Variants in WFDC3 observed in about 807,000 individuals in gnomAD.
WFDC3 encodes WAP four-disulfide core domain 3, also known as WAP four-disulfide core domain protein 3.
Under a neutral mutation model 25.8 loss-of-function variants are expected in WFDC3, and 15 were observed. The ratio of observed to expected loss-of-function variants is 0.58; its 90% CI spans 0.39 to 0.89. WFDC3 has a LOEUF of 0.89. WFDC3 is among the 40% of genes least tolerant of loss of function. The pLI is 0.00. For missense variants in WFDC3, 264 were observed against 289.8 expected (o/e 0.91, Z 0.65); for synonymous variants, 103 against 107.1 (o/e 0.96, Z 0.24).
At chr20:45,784,759 C>T (rs1601015588) in intron 4 of WFDC3, among the ~76,000 whole-genome samples, 1 of 152,076 alleles carries the variant, frequency 6.6e-6, no homozygotes, top group South Asian at 2.1e-4. Flanking sequence ...AGAAATTGTA[C>T]TTCTGACCCA....
intron 5 of WFDC3, among the ~76,000 whole-genome samples, chr20:45,776,612 AGAAAAAAAAG>A (rs1205921048): frequency 0.026 from 1,407 of 53,654 alleles, 78 homozygotes; most frequent in African/African-American, 0.084. Context: ...AAAAAAAAAA[AGAAAAAAAAG>A]AAAAAAAAAA....
In WFDC3 at chr20:45,774,450, A is replaced by C. The variant is rs187177850; in HGVS notation, c.680-6T>G. 6.2e-7 allele frequency: 1 copy of C among 1,614,090 alleles called. No homozygotes were observed. The highest frequency in any genetic ancestry group is 1.7e-5 in the Admixed American group (1 of 60,020). ...CAGCTAGGGCACCGGGATCTCTGCA[A>C]GTAGAAGAAACATCAAGTCACAGCT... On this transcript the variant is annotated splice_region_variant and splice_polypyrimidine_tract_variant and intron_variant, in intron 6 of 6. Coordinates refer to ENST00000243938, the MANE Select transcript of WFDC3 (RefSeq NM_080614.2).
intron 4 of WFDC3, among the ~76,000 whole-genome samples, chr20:45,786,761 G>T (rs1463178806): frequency 2.0e-5 from 3 of 152,050 alleles, no homozygotes; most frequent in Non-Finnish European, 4.4e-5. Flanking sequence ...GTTTCCCACA[G>T]GAGACAGCCC....
At chr20:45,779,667 G>A (rs540676756) in intron 4 of WFDC3, among the ~76,000 whole-genome samples, 37 of 152,208 alleles carry the variant, frequency 2.4e-4, no homozygotes, top group African/African-American at 8.7e-4. Flanking sequence ...AAATCTCCCT[G>A]GTGGAAAAAC....
chr20:45,776,970 C>A (rs545798244), intron 5 of WFDC3, 105 bp downstream of exon 5: 2 of 1,583,756 alleles, frequency 1.3e-6, no homozygotes, highest in African/African-American at 2.7e-5. Flanking sequence ...GTTGGGGGAC[C>A]AGAGGGACAG....
intron 2 of WFDC3, among the ~76,000 whole-genome samples, chr20:45,789,400 G>T (rs2145691654): frequency 6.6e-6 from 1 of 151,632 alleles, no homozygotes; most frequent in East Asian, 1.9e-4. Context: ...CAGCTACTCG[G>T]GAGGCTGAGG....
chr20:45,780,200 C>T (rs1032987241), intron 4 of WFDC3, among the ~76,000 whole-genome samples: 2 of 151,734 alleles, frequency 1.3e-5, no homozygotes, highest in Non-Finnish European at 2.9e-5. Flanking sequence ...CCTCAGCCTC[C>T]TGAGTAGCTG....
At chr20:45,785,670 A>T (rs1980637565) in intron 4 of WFDC3, among the ~76,000 whole-genome samples, 1 of 152,168 alleles carries the variant, frequency 6.6e-6, no homozygotes, top group South Asian at 2.1e-4. Flanking sequence ...CAAATAAGCA[A>T]AAGTAGCCAT....
At chr20:45,788,260 C>T (rs1004676309) in intron 3 of WFDC3, 5 of 235,644 alleles carry the variant, frequency 2.1e-5, no homozygotes, top group African/African-American at 4.6e-5. Flanking sequence ...GCCGAGATCA[C>T]GCCACTGCAT....
intron 4 of WFDC3, among the ~76,000 whole-genome samples, chr20:45,781,732 C>G (rs935606751): frequency 6.6e-6 from 1 of 152,158 alleles, no homozygotes; most frequent in Non-Finnish European, 1.5e-5. Flanking sequence ...TAGCACGTAC[C>G]AAGATTCCAG....
chr20:45,788,025 C>T (rs754732356), intron 3 of WFDC3, 43 bp from the exon 4 acceptor site: 7 of 1,593,220 alleles, frequency 4.4e-6, no homozygotes, highest in South Asian at 3.4e-5. Flanking sequence ...GAAAATAGGC[C>T]GAGCGCCATG....
chr20:45,777,670 C>T (rs985132734), intron 4 of WFDC3, among the ~76,000 whole-genome samples: 1 of 152,168 alleles, frequency 6.6e-6, no homozygotes, highest in African/African-American at 2.4e-5. Context: ...AGGCACAAGC[C>T]ACCAGGCCTG....
chr20:45,775,633 C>G (rs769549041), intron 5 of WFDC3, 31 bp from the exon 6 acceptor site: 2 of 1,612,230 alleles, frequency 1.2e-6, no homozygotes, highest in Non-Finnish European at 1.7e-6. Flanking sequence ...GGAAAAGGGA[C>G]AGGGCATCAG....
At chr20:45,778,673 C>T (rs534499801) in intron 4 of WFDC3, 30 of 151,898 alleles carry the variant, frequency 2.0e-4, no homozygotes, top group African/African-American at 6.5e-4. Context: ...CTCAGCATAA[C>T]GAAATGGTCA....
In WFDC3 at chr20:45,789,941, A is replaced by G; in HGVS notation, c.35T>C (p.Leu12Pro). ...MLSCLFLLKA[L>P]LALGSLESWI... ...GGATTCCAGAGACCCAAGAGCAAGA[A>G]GTGCCTTCAGAAGAAAGAGGCAGCT... Residue 12 changes from leucine to proline, a missense_variant, in exon 2 of 7, where the codon CTT (leucine) becomes CCT (proline). Physicochemically the swap from Leu to Pro is moderately conservative, Grantham distance 98 (BLOSUM62 -3). Transcript: ENST00000243938. 1 of 1,614,182 alleles carries G rather than the reference A, an allele frequency of 6.2e-7. No individual in the cohort carries two copies. The highest frequency in any genetic ancestry group is 1.7e-5 in the Admixed American group (1 of 60,014).
In WFDC3 at chr20:45,776,660, A is replaced by ATGTGTGTGTGTGTGTG. The variant is rs1555812785; in HGVS notation, c.493+414_493+415insCACACACACACACACA. On this transcript the variant is annotated intron_variant, in intron 5 of 6. Transcript: ENST00000243938. ...AATATATATATATATATATATATAT[A>ATGTGTGTGTGTGTGTG]TGTGTGTGTGTGTTTCCAACTAAGA... Among the ~76,000 whole-genome samples the ATGTGTGTGTGTGTGTG allele has an allele frequency of 4.3e-4, 40 of 93,288 alleles. 1 individual carries two copies. The highest frequency in any genetic ancestry group is 1.0e-3 in the African/African-American group (23 of 22,866). 61.2% of individuals were successfully genotyped at this position (93,288 alleles called of 152,430 possible).
At chr20:45,786,069 G>A (rs1980654998) in intron 4 of WFDC3, among the ~76,000 whole-genome samples, 1 of 152,164 alleles carries the variant, frequency 6.6e-6, no homozygotes, top group Non-Finnish European at 1.5e-5. Context: ...CAGCTTAAAT[G>A]TCACTCCACA....
intron 5 of WFDC3, 99 bp downstream of exon 5, chr20:45,776,976 G>C (rs150533656): frequency 1.3e-6 from 2 of 1,590,346 alleles, no homozygotes; most frequent in South Asian, 2.2e-5. Flanking sequence ...GGACCAGAGG[G>C]ACAGGAAGGA....
rs1231472177 is a variant in WFDC3 at position 45,777,275 on chromosome 20, C to T, written c.359-66G>A. 9.5e-6 allele frequency: 13 copies of T among 1,370,198 alleles called. No individual in the cohort carries two copies. In the East Asian group the frequency reaches 2.5e-4, roughly 27 times the overall value. The allele number at this position is 1,370,198 out of a possible 1,614,324, so 84.9% of individuals were successfully genotyped here. A position where few individuals can be genotyped will look rare whatever the true frequency, so the allele number is the denominator to read the frequency against. ...ATGAAACACATTTTTCATTGTGTCC[C>T]ATGTGTATGTTTATATATAGTTATA... On this transcript the variant is annotated intron_variant, in intron 4 of 6. Coordinates refer to ENST00000243938, the MANE Select transcript of WFDC3 (RefSeq NM_080614.2).
Sources: gnomAD v4.1 joint callset for allele counts (sites outside exome capture counted in the v4.1 genomes callset) on GRCh38, gnomAD v4.1.1 for gene constraint, MANE v1.5 for transcripts, NCBI Gene and HGNC (gene_info 2026-07-23, HGNC 2026-07-21) for gene names.